KIF21A: variants seen among roughly 807,000 people sequenced by gnomAD.
KIF21A encodes the protein kinesin family member 21A.
KIF21A carries 114 observed loss-of-function variants against 202.9 expected under a neutral mutation model. The observed-to-expected ratio is 0.56, with a 90% CI of 0.48 to 0.66. KIF21A has a LOEUF of 0.66. KIF21A is among the 30% of genes least tolerant of loss of function. The pLI, the probability that KIF21A is intolerant of heterozygous loss-of-function variation, is 0.00. For missense variants in KIF21A, 1,677 were observed against 1,994.9 expected (o/e 0.84, Z 3.04); for synonymous variants, 667 against 670.8 (o/e 0.99, Z 0.09).
chr12:39,332,681 C>G lies in KIF21A; in HGVS notation c.2766G>C (p.Lys922Asn), dbSNP rs1351141435. 2.5e-6 allele frequency: 4 copies of G among 1,614,092 alleles called. No individual in the cohort carries two copies. The highest frequency in any genetic ancestry group is 2.5e-6 in the Non-Finnish European group (3 of 1,179,972). ...TGACCCTGCGCTCAAGGAGCTGCCACTTCATGCGAGCTGTCTTGGAAATAA... is the reference window on the plus strand; with the variant it reads ...TGACCCTGCGCTCAAGGAGCTGCCAGTTCATGCGAGCTGTCTTGGAAATAA... ...RVFISKTARMKWQLLERRVTD... is the reference protein window; with the variant it reads ...RVFISKTARMNWQLLERRVTD... Residue 922 changes from lysine to asparagine, a missense_variant, in exon 20 of 38, where the codon AAG becomes AAC. Transcript: ENST00000361418.
At chr12:39,354,416 T>C (rs1641307447) in intron 10 of KIF21A, among the ~76,000 whole-genome samples, 1 of 152,134 alleles carries the variant, frequency 6.6e-6, no homozygotes, top group Admixed American at 6.5e-5. Flanking sequence ...AATGTTAACA[T>C]CAGTTCTTAG....
At chr12:39,409,832 T>C (rs1592608167) in intron 1 of KIF21A, among the ~76,000 whole-genome samples, 1 of 150,988 alleles carries the variant, frequency 6.6e-6, no homozygotes, top group East Asian at 1.9e-4. Context: ...TCGAAGAAGC[T>C]GGCTTTTTTT....
chr12:39,342,070 C>G lies in KIF21A; in HGVS notation c.1767G>C (p.Lys589Asn), dbSNP rs1399474327. ...TDTDQEKKEE[K>N]GVSERENNEL... ...CATTGTTTTCTCTTTCCGAAACACC[C>G]TTTTCTTCTTTCTTCTCTTGGTCAG... Residue 589 changes from lysine to asparagine, a missense_variant, in exon 13 of 38, where the codon AAG becomes AAC. Around this residue, in one of 3 missense-constraint regions of KIF21A, gnomAD observed 966 missense variants for 1,180.9 expected, o/e 0.82. Coordinates refer to ENST00000361418, the MANE Select transcript of KIF21A (RefSeq NM_001173464.2). 1.2e-6 allele frequency: 2 copies of G among 1,611,888 alleles called. No individual in the cohort carries two copies. The highest frequency in any genetic ancestry group is 2.2e-5 in the East Asian group (1 of 44,818).
chr12:39,357,490 A>G (rs760454484), intron 8 of KIF21A, 53 bp from the exon 9 acceptor site: 1 of 1,464,854 alleles, frequency 6.8e-7, no homozygotes, highest in Non-Finnish European at 9.5e-7. Flanking sequence ...AAAACACAAG[A>G]GTTTTGCTTA....
At chr12:39,348,490 A>T (rs1288793258) in intron 11 of KIF21A, among the ~76,000 whole-genome samples, 1 of 152,080 alleles carries the variant, frequency 6.6e-6, no homozygotes, top group Non-Finnish European at 1.5e-5. Context: ...AGAAGGTGAA[A>T]CTTTCAAACA....
rs1951752953 is a variant in KIF21A, at chr12:39,396,262, T to G, written c.45-26001A>C. Among the ~76,000 whole-genome samples the G allele has an allele frequency of 3.9e-5, 6 of 152,358 alleles. No individual in the cohort carries two copies. In the South Asian group the frequency reaches 1.2e-3, roughly 32 times the overall value. The stretch of plus-strand genomic sequence containing the variant: ...TACTTTAAAATGCTTTTTGGTTTGC[T>G]GGCTCTCTGATTAAAACCTGCTTTC... On this transcript the variant is annotated intron_variant, in intron 1 of 37. Coordinates refer to ENST00000361418, the MANE Select transcript of KIF21A (RefSeq NM_001173464.2).
chr12:39,376,591 G>C (rs1422116433), intron 1 of KIF21A, among the ~76,000 whole-genome samples: 1 of 152,072 alleles, frequency 6.6e-6, no homozygotes, highest in African/African-American at 2.4e-5. Flanking sequence ...CTGAAGGAAT[G>C]CTGACCCAAG....
chr12:39,382,275 A>G (rs1392214078), intron 1 of KIF21A, among the ~76,000 whole-genome samples: 1 of 152,218 alleles, frequency 6.6e-6, no homozygotes, highest in Non-Finnish European at 1.5e-5. Context: ...AAGATTTTAT[A>G]TTAAGAAAAG....
At chr12:39,325,762 T>A in intron 26 of KIF21A, 77 bp downstream of exon 26, 1 of 1,012,098 alleles carries the variant, frequency 9.9e-7, no homozygotes, top group East Asian at 2.4e-5. Context: ...AAGAGTCAAA[T>A]CTGAACCTAT....
At chr12:39,355,462 G>A (rs1254301636) in intron 10 of KIF21A, among the ~76,000 whole-genome samples, 1 of 151,762 alleles carries the variant, frequency 6.6e-6, no homozygotes, top group Non-Finnish European at 1.5e-5. Flanking sequence ...GAAAAGAGAC[G>A]CAGCCTAAGA....
chr12:39,340,092 G>A (rs1947319678), intron 16 of KIF21A, 73 bp downstream of exon 16: 1 of 1,147,850 alleles, frequency 8.7e-7, no homozygotes, highest in East Asian at 2.4e-5. Flanking sequence ...AACCACAAGA[G>A]TTGTTTATTT....
In KIF21A at chr12:39,307,603, A is replaced by G; in HGVS notation, c.4404T>C (p.Ala1468=). ...ACATCCTGACAGCATTTCCAGAAGC[A>G]GCATAGAGGAAGGTGCCAGTTGGGT... ...ALNPTGTFLY[A]ASGNAVRMWD... is the part of the protein sequence containing the mutation. Residue 1468 remains alanine, a synonymous_variant, in exon 34 of 38, where the codon GCT becomes GCC. Transcript: ENST00000361418. 1 of 1,614,170 alleles carries G rather than the reference A, an allele frequency of 6.2e-7. No individual in the cohort carries two copies.
intron 1 of KIF21A, among the ~76,000 whole-genome samples, chr12:39,416,740 TA>T (rs1442525466): frequency 1.1e-5 from 1 of 93,144 alleles, no homozygotes; most frequent in Non-Finnish European, 1.9e-5. Context: ...TATATGTGTA[TA>T]TATATATGTA....
chr12:39,394,543 T>G (rs1951593758), intron 1 of KIF21A, among the ~76,000 whole-genome samples: 1 of 152,226 alleles, frequency 6.6e-6, no homozygotes, highest in South Asian at 2.1e-4. Flanking sequence ...TGGAACTAAT[T>G]AGTTACAATC....
Position 39,443,008 on chromosome 12 carries a change from C to T in KIF21A, c.-38G>A. On this transcript the variant is annotated 5_prime_UTR_variant, in exon 1 of 38. Transcript: ENST00000361418. ...CAGCGATCGAGCCGTTGGGCCTCGG[C>T]ACCGCAGAGCTGAGGCGCCACTGGG... 1 of 1,507,352 alleles carries T rather than the reference C, an allele frequency of 6.6e-7. No homozygotes were observed. The highest frequency in any genetic ancestry group is 2.7e-5 in the East Asian group (1 of 37,510). The allele number at this position is 1,507,352 out of a possible 1,614,324, so 93.4% of individuals were successfully genotyped here.
At chr12:39,296,464 T>C (rs1432361783) in intron 37 of KIF21A, among the ~76,000 whole-genome samples, 2 of 152,092 alleles carry the variant, frequency 1.3e-5, no homozygotes, top group African/African-American at 4.8e-5. Context: ...AGACAGACAA[T>C]AAACCATAAT....
intron 1 of KIF21A, among the ~76,000 whole-genome samples, chr12:39,436,446 A>ATT (rs1241815887): frequency 9.6e-6 from 1 of 104,336 alleles, no homozygotes; most frequent in Non-Finnish European, 1.9e-5. Flanking sequence ...ATATATATAT[A>ATT]TATTTTTTTT....
intron 37 of KIF21A, among the ~76,000 whole-genome samples, chr12:39,295,233 G>A (rs897365471): frequency 2.0e-5 from 3 of 152,190 alleles, no homozygotes; most frequent in African/African-American, 4.8e-5. Context: ...TATAAAAAGG[G>A]AAGAAATAGT....
chr12:39,399,905 T>C (rs1952038117), intron 1 of KIF21A, among the ~76,000 whole-genome samples: 1 of 152,214 alleles, frequency 6.6e-6, no homozygotes, highest in Non-Finnish European at 1.5e-5. Flanking sequence ...TTTATGTGAC[T>C]CCACCCCAAT....
Sources: allele counts gnomAD v4.1 joint callset (sites outside exome capture counted in the v4.1 genomes callset), GRCh38; gene constraint gnomAD v4.1.1; regional missense constraint gnomAD v4.1.1; transcripts MANE v1.5; gene names NCBI Gene and HGNC (gene_info 2026-07-23, HGNC 2026-07-21).